GPM6A: variants seen among roughly 807,000 people sequenced by gnomAD.
GPM6A encodes the protein neuronal membrane glycoprotein M6-a.
GPM6A carries 7 observed loss-of-function variants against 32.1 expected under a neutral mutation model. The ratio of observed to expected loss-of-function variants is 0.22; its 90% CI spans 0.12 to 0.41. The LOEUF (loss-of-function observed/expected upper bound fraction) is 0.41, where lower values mean the gene tolerates loss of function less well. Ranked by LOEUF, GPM6A falls within the 10% of genes least tolerant of loss-of-function variation. GPM6A has a pLI of 1.00. For synonymous variants in GPM6A, 130 were observed against 123.4 expected, an observed-to-expected ratio of 1.05 and a Z score of -0.35; for missense variants, 235 against 347.2, an observed-to-expected ratio of 0.68 and a Z score of 2.57.
At chr4:175,922,585 T>C (rs1738703715) in intron 1 of GPM6A, among the ~76,000 whole-genome samples, 1 of 152,084 alleles carries the variant, frequency 6.6e-6, no homozygotes, top group Non-Finnish European at 1.5e-5. Context: ...ATTGGAGAAA[T>C]GAAAACTTTT....
At chr4:175,774,020 A>G (rs1733294695) in intron 1 of GPM6A, among the ~76,000 whole-genome samples, 1 of 152,188 alleles carries the variant, frequency 6.6e-6, no homozygotes, top group Non-Finnish European at 1.5e-5. Context: ...ACCCAGTTCT[A>G]TCAAGTTTTT....
At chr4:175,784,242 C>T (rs1385529431) in intron 1 of GPM6A, among the ~76,000 whole-genome samples, 1 of 151,998 alleles carries the variant, frequency 6.6e-6, no homozygotes, top group Non-Finnish European at 1.5e-5. Flanking sequence ...GAGGGCAATT[C>T]TACAAAATAC....
chr4:175,949,804 G>T (rs188600219), intron 1 of GPM6A, among the ~76,000 whole-genome samples: 226 of 152,278 alleles, frequency 1.5e-3, no homozygotes, highest in African/African-American at 5.2e-3. Context: ...TACATTCCTT[G>T]AATAGATGGT....
chr4:175,816,980 C>A (rs1326135551), upstream of GPM6A, among the ~76,000 whole-genome samples: 2 of 152,138 alleles, frequency 1.3e-5, no homozygotes, highest in Non-Finnish European at 2.9e-5. Context: ...CTGCCTCAGC[C>A]TCCCGAGGAG....
intron 1 of GPM6A, among the ~76,000 whole-genome samples, chr4:175,766,644 C>T (rs1290462261): frequency 1.3e-5 from 2 of 151,140 alleles, no homozygotes; most frequent in Non-Finnish European, 2.9e-5. Context: ...ATCAGTGCCT[C>T]CACTTACTCT....
intron 1 of GPM6A, among the ~76,000 whole-genome samples, chr4:175,780,484 T>C (rs17659431): frequency 0.02 from 3,079 of 152,302 alleles, 57 homozygotes; most frequent in Non-Finnish European, 0.031. Flanking sequence ...AGACACTCAA[T>C]AAATATCTGT....
At chr4:175,898,639 G>C (rs1022296360) in intron 1 of GPM6A, among the ~76,000 whole-genome samples, 1 of 152,110 alleles carries the variant, frequency 6.6e-6, no homozygotes, top group African/African-American at 2.4e-5. Context: ...CTTGGGAGCA[G>C]GATTCACACC....
At chr4:175,986,166 A>G (rs1410857320) in intron 1 of GPM6A, among the ~76,000 whole-genome samples, 1 of 152,118 alleles carries the variant, frequency 6.6e-6, no homozygotes, top group Non-Finnish European at 1.5e-5. Flanking sequence ...TTTTCCTTCA[A>G]ACATTGAAAA....
chr4:175,870,152 T>G (rs1361701684), intron 1 of GPM6A, among the ~76,000 whole-genome samples: 1 of 152,236 alleles, frequency 6.6e-6, no homozygotes, highest in Non-Finnish European at 1.5e-5. Flanking sequence ...CACTTTGATG[T>G]GTTTTGTCAT....
intron 1 of GPM6A, among the ~76,000 whole-genome samples, chr4:175,735,077 G>A (rs1228288418): frequency 6.6e-6 from 1 of 152,100 alleles, no homozygotes; most frequent in African/African-American, 2.4e-5. Flanking sequence ...TGTGGCATTT[G>A]GTGCAACTTA....
intron 1 of GPM6A, among the ~76,000 whole-genome samples, chr4:175,927,602 C>T (rs760567958): frequency 1.2e-4 from 19 of 152,096 alleles, no homozygotes; most frequent in Non-Finnish European, 2.2e-4. Context: ...AGGTATAATT[C>T]GGCCAGGCAC....
chr4:175,875,576 C>CT (rs368073138), intron 1 of GPM6A, among the ~76,000 whole-genome samples: 236 of 152,252 alleles, frequency 1.6e-3, no homozygotes, highest in African/African-American at 5.1e-3. Flanking sequence ...CCACATTTTA[C>CT]TTTTTTATAA....
In GPM6A at chr4:175,634,839, G is replaced by T; in HGVS notation, c.*66C>A. The T allele has an allele frequency of 5.1e-6, 7 of 1,361,532 alleles. No homozygotes were observed. Among genetic ancestry groups the T allele is most frequent in the Non-Finnish European group, 7.2e-6 (7 of 966,254 alleles). The allele number at this position is 1,361,532 out of a possible 1,614,324, so 84.3% of individuals were successfully genotyped here. On this transcript the variant is annotated 3_prime_UTR_variant, in exon 7 of 7. Coordinates refer to ENST00000393658, the MANE Select transcript of GPM6A (RefSeq NM_201591.3). ...CTTTCGTTTTGTTTTTTAAAGGTTG[G>T]ATGGTTGGATGGCCCTTAGTTAAAC... is the stretch of plus-strand genomic sequence containing the variant.
chr4:175,833,319 G>A (rs1255240535), intron 1 of GPM6A, among the ~76,000 whole-genome samples: 1 of 152,166 alleles, frequency 6.6e-6, no homozygotes, highest in Non-Finnish European at 1.5e-5. Context: ...ATTATAGAAT[G>A]TGAAACAAGG....
intron 1 of GPM6A, among the ~76,000 whole-genome samples, chr4:175,991,823 T>G (rs1387074971): frequency 6.6e-6 from 1 of 152,112 alleles, no homozygotes; most frequent in African/African-American, 2.4e-5. Flanking sequence ...GTTTCGGATG[T>G]ATAGACTAGG....
chr4:175,721,725 T>A (rs1014167710), intron 1 of GPM6A, among the ~76,000 whole-genome samples: 3 of 152,216 alleles, frequency 2.0e-5, no homozygotes, highest in African/African-American at 7.2e-5. Context: ...TGACACTTCA[T>A]GTGGCTTCAA....
At chr4:175,796,665 T>C (rs987435029) in intron 1 of GPM6A, among the ~76,000 whole-genome samples, 1 of 152,224 alleles carries the variant, frequency 6.6e-6, no homozygotes, top group African/African-American at 2.4e-5. Context: ...ACAATACTTT[T>C]ATGTTGTTTT....
intron 1 of GPM6A, among the ~76,000 whole-genome samples, chr4:175,967,162 T>G (rs746841919): frequency 1.3e-4 from 20 of 152,228 alleles, no homozygotes; most frequent in Non-Finnish European, 2.8e-4. Flanking sequence ...AATCAATTAA[T>G]GTAATCCATC....
At chr4:175,669,871 A>G (rs1742956558) in intron 3 of GPM6A, among the ~76,000 whole-genome samples, 1 of 152,196 alleles carries the variant, frequency 6.6e-6, no homozygotes, top group African/African-American at 2.4e-5. Flanking sequence ...CTTTTCAGGC[A>G]GGAAGAACAT....
Sources: gnomAD v4.1 joint callset for allele counts (sites outside exome capture counted in the v4.1 genomes callset) on GRCh38, gnomAD v4.1.1 for gene constraint, MANE v1.5 for transcripts, NCBI Gene and HGNC (gene_info 2026-07-23, HGNC 2026-07-21) for gene names.